Variants in RSPH9 observed in about 807,000 individuals in gnomAD.
The protein encoded by RSPH9 is radial spoke head component 9, also known as radial spoke head protein 9 homolog.
In RSPH9, 27 loss-of-function variants were observed where a neutral mutation model predicts 27.0. That is an observed-to-expected ratio of 1.00 (90% CI 0.74 to 1.38). The LOEUF is 1.38. RSPH9 is among the 40% of genes most tolerant of loss of function. The pLI is 0.00. For synonymous variants in RSPH9, 145 were observed against 147.7 expected (o/e 0.98, Z 0.13); for missense variants, 347 against 357.4 (o/e 0.97, Z 0.24).
At chr6:43,666,394 T>C (rs983914497) in intron 4 of RSPH9, 19 of 1,512,086 alleles carry the variant, frequency 1.3e-5, no homozygotes, top group Non-Finnish European at 1.7e-5. Flanking sequence ...AGCTGTTTTC[T>C]GGCCAGTTAG....
intron 4 of RSPH9, among the ~76,000 whole-genome samples, chr6:43,669,540 G>C (rs929460334): frequency 1.3e-5 from 2 of 152,216 alleles, no homozygotes; most frequent in African/African-American, 4.8e-5. Flanking sequence ...GGGGCAGCAG[G>C]AGCCAAGCAG....
In RSPH9 at chr6:43,653,505, G is replaced by A. The variant is rs560162914; in HGVS notation, c.394-2057G>A. 9.9e-5 allele frequency among the ~76,000 whole-genome samples: 15 copies of A among 151,846 alleles called. No individual in the cohort carries two copies. The South Asian group carries it at 3.1e-3, about 32-fold the overall frequency. On this transcript the variant is annotated intron_variant, in intron 2 of 4. Coordinates refer to ENST00000372163, the MANE Select transcript of RSPH9 (RefSeq NM_152732.5). ...CACTTCCATTGTGTGTAATTCCTGGGAAAGTCAATTCCTGGAAATAGACTT... is the reference window on the plus strand; with the variant it reads ...CACTTCCATTGTGTGTAATTCCTGGAAAAGTCAATTCCTGGAAATAGACTT...
chr6:43,671,581 T>C lies in RSPH9; in HGVS notation c.*632T>C, dbSNP rs1773697541. The C allele has an allele frequency of 1.5e-6, 1 of 682,194 alleles. No individual in the cohort carries two copies. The highest frequency in any genetic ancestry group is 2.4e-6 in the Non-Finnish European group (1 of 408,196). The allele number at this position is 682,194 out of a possible 1,614,324, so 42.3% of individuals were successfully genotyped here. ...CCCTGCCTGCCTCTAGCTCCCAGCA[T>C]TGCTACTGTGCAGGCCAAGGGTACT... On this transcript the variant is annotated 3_prime_UTR_variant, in exon 5 of 5. Transcript: ENST00000372163.
chr6:43,654,699 T>C (rs533026541), intron 2 of RSPH9, among the ~76,000 whole-genome samples: 2 of 152,318 alleles, frequency 1.3e-5, no homozygotes, highest in South Asian at 4.1e-4. Context: ...GATGCACGCC[T>C]GTAGTCCCAG....
intron 1 of RSPH9, among the ~76,000 whole-genome samples, chr6:43,649,166 G>GT (rs939701421): frequency 1.4e-4 from 21 of 151,156 alleles, no homozygotes; most frequent in Non-Finnish European, 1.8e-4. Context: ...AGGCTGAGCA[G>GT]TTTTTTTTTG....
chr6:43,670,218 T>G (rs1161193529), intron 4 of RSPH9, among the ~76,000 whole-genome samples: 3 of 152,214 alleles, frequency 2.0e-5, no homozygotes, highest in Non-Finnish European at 4.4e-5. Flanking sequence ...TTAGCTAGAC[T>G]TGCTGACAGG....
chr6:43,653,873 G>A (rs375064704), intron 2 of RSPH9, among the ~76,000 whole-genome samples: 1 of 152,076 alleles, frequency 6.6e-6, no homozygotes. Flanking sequence ...TGTATTTTTG[G>A]TAGAGACAGG....
chr6:43,667,525 A>G (rs1376820858), intron 4 of RSPH9, among the ~76,000 whole-genome samples: 1 of 152,190 alleles, frequency 6.6e-6, no homozygotes, highest in Non-Finnish European at 1.5e-5. Context: ...GGGGGGGAAC[A>G]TGGTGCCCAG....
chr6:43,666,643 G>A, intron 4 of RSPH9: 2 of 638,454 alleles, frequency 3.1e-6, no homozygotes, highest in South Asian at 2.3e-5. Context: ...GATCCGCAAA[G>A]TTCCATGGGA....
At position 43,671,869 on chromosome 6, in the gene RSPH9, T is replaced by C. The variant is rs1390223859; in HGVS notation, c.*920T>C. On this transcript the variant is annotated 3_prime_UTR_variant, in exon 5 of 5. Transcript: ENST00000372163. ...TTCCAGCGGGGGCCTTTTTTGTAGA[T>C]GGGCTTGACGGAGCCAGGAGCCCAG... The C allele has an allele frequency of 1.2e-6, 2 of 1,613,782 alleles. No homozygotes were observed. The highest frequency in any genetic ancestry group is 1.7e-6 in the Non-Finnish European group (2 of 1,179,846).
At chr6:43,668,515 G>A (rs528679106) in intron 4 of RSPH9, among the ~76,000 whole-genome samples, 2 of 152,278 alleles carry the variant, frequency 1.3e-5, no homozygotes, top group Admixed American at 1.3e-4. Context: ...TGCTCTCTGG[G>A]TAGGAGCCCC....
Position 43,671,848 on chromosome 6 carries a change from A to G in RSPH9, c.*899A>G, listed in dbSNP as rs1017250082. 5.6e-6 allele frequency: 9 copies of G among 1,614,018 alleles called. No homozygotes were observed. Among genetic ancestry groups the G allele is most frequent in the Non-Finnish European group, 7.6e-6 (9 of 1,180,020 alleles). On this transcript the variant is annotated 3_prime_UTR_variant, in exon 5 of 5. Transcript: ENST00000372163. ...CCCACGGGCATGCGCACCCTGTTCC[A>G]GCGGGGGCCTTTTTTGTAGATGGGC...
intron 4 of RSPH9, among the ~76,000 whole-genome samples, chr6:43,667,364 C>T (rs2127930559): frequency 6.6e-6 from 1 of 152,342 alleles, no homozygotes; most frequent in African/African-American, 2.4e-5. Flanking sequence ...GGCTGGGGCT[C>T]CTTCCCAAGC....
chr6:43,670,818 A>C lies in RSPH9; in HGVS notation c.700A>C (p.Asn234His), dbSNP rs376190455. 1.5e-5 allele frequency: 25 copies of C among 1,614,074 alleles called. No homozygotes were observed. The highest frequency in any genetic ancestry group is 1.9e-5 in the Non-Finnish European group (23 of 1,180,048). Reference protein sequence around the residue: ...GSWSIQMERGNALVVLRSLLW... With the variant: ...GSWSIQMERGHALVVLRSLLW... ...CTGGAGCATCCAGATGGAGAGGGGC[A>C]ATGCCCTGGTGGTGCTGCGCAGCCT... is the stretch of plus-strand genomic sequence containing the variant. The change falls in exon 5 of 5, where the codon AAT becomes CAT. Residue 234 changes from asparagine to histidine, a missense_variant. Physicochemically the swap from Asn to His is moderately conservative, Grantham distance 68 (BLOSUM62 1). Coordinates refer to ENST00000372163, the MANE Select transcript of RSPH9 (RefSeq NM_152732.5).
At chr6:43,657,618 T>G (rs1227193848) in intron 4 of RSPH9, among the ~76,000 whole-genome samples, 1 of 152,156 alleles carries the variant, frequency 6.6e-6, no homozygotes, top group Non-Finnish European at 1.5e-5. Flanking sequence ...GAAACACTTC[T>G]GAAGAGCAGC....
At position 43,670,688 on chromosome 6, in the gene RSPH9, C is replaced by T. The variant is rs1178056536; in HGVS notation, c.671-101C>T. On this transcript the variant is annotated intron_variant, in intron 4 of 4. Transcript: ENST00000372163. Reference sequence around the variant, plus strand: ...TGGTCTCTCCCCAGTGGAACCATAGCACCTGGGCCTGGCTGCCCAAGGAGC... The same window carrying T: ...TGGTCTCTCCCCAGTGGAACCATAGTACCTGGGCCTGGCTGCCCAAGGAGC... The T allele has an allele frequency of 4.2e-6, 4 of 947,802 alleles. No individual in the cohort carries two copies. In the East Asian group the frequency reaches 9.7e-5, roughly 23 times the overall value. The allele number at this position is 947,802 out of a possible 1,614,324, so 58.7% of individuals were successfully genotyped here.
In RSPH9 at chr6:43,661,342, A is replaced by T. The variant is rs187212825; in HGVS notation, c.670+4619A>T. Reference sequence around the variant, plus strand: ...GTTCTTTGAAGCTTTAATGCCAGGCATTGACTTCTCTTTAGCTATGAAAGT... The same window carrying T: ...GTTCTTTGAAGCTTTAATGCCAGGCTTTGACTTCTCTTTAGCTATGAAAGT... On this transcript the variant is annotated intron_variant, in intron 4 of 4. Coordinates refer to ENST00000372163, the MANE Select transcript of RSPH9 (RefSeq NM_152732.5). Among the ~76,000 whole-genome samples, 32 of 152,278 alleles carry T rather than the reference A, an allele frequency of 2.1e-4. No homozygotes were observed. The East Asian group carries it at 5.4e-3, about 26-fold the overall frequency.
chr6:43,659,885 A>G (rs1772434525), intron 4 of RSPH9, among the ~76,000 whole-genome samples: 1 of 150,848 alleles, frequency 6.6e-6, no homozygotes, highest in Non-Finnish European at 1.5e-5. Context: ...GGTGCCTGCC[A>G]CCATGCCTGG....
Position 43,645,124 on chromosome 6 carries a change from C to T in RSPH9, c.26C>T (p.Ser9Phe). The T allele has an allele frequency of 6.2e-7, 1 of 1,612,920 alleles. No individual in the cohort carries two copies. Among genetic ancestry groups the T allele is most frequent in the Non-Finnish European group, 8.5e-7 (1 of 1,179,978 alleles). MDADSLLLSLELASGSGQG... is the reference protein window; with the variant it reads MDADSLLLFLELASGSGQG... ...ATGGACGCCGACAGCCTCCTGCTGT[C>T]TCTGGAGCTGGCGTCCGGCAGTGGG... Residue 9 changes from serine (S) to phenylalanine (F), a missense_variant, in exon 1 of 5, where the codon TCT becomes TTT. Physicochemically the swap from Ser to Phe is radical, Grantham distance 155. Transcript: ENST00000372163.
Sources: allele counts gnomAD v4.1 joint callset (sites outside exome capture counted in the v4.1 genomes callset), GRCh38; gene constraint gnomAD v4.1.1; transcripts MANE v1.5; gene names NCBI Gene and HGNC (gene_info 2026-07-23, HGNC 2026-07-21).